Variants in PGCKA1 observed in about 807,000 individuals in gnomAD.
PGCKA1 encodes the protein PDCD10 and GCKIII kinases-associated protein 1.
the PGCKA1 span, among the ~76,000 whole-genome samples, chr4:37,483,744 A>G: frequency 2.0e-5 from 3 of 152,302 alleles, no homozygotes; most frequent in South Asian, 6.2e-4. Context: ...ACCTTGAAGC[A>G]GAAGAGCACC....
At chr4:37,458,398 G>A in the PGCKA1 span, among the ~76,000 whole-genome samples, 115 of 146,246 alleles carry the variant, frequency 7.9e-4, no homozygotes, top group African/African-American at 2.3e-3. Context: ...CACCCCACAC[G>A]TAATGGCTTA....
chr4:37,509,954 AGAGAGAGGGAG>A, the PGCKA1 span, among the ~76,000 whole-genome samples: 1 of 120,888 alleles, frequency 8.3e-6, no homozygotes, highest in Non-Finnish European at 1.9e-5. Flanking sequence ...GAGACCGTGG[AGAGAGAGGGAG>A]CGGGAGACCG....
chr4:37,521,288 A>G, the PGCKA1 span, among the ~76,000 whole-genome samples: 2 of 152,186 alleles, frequency 1.3e-5, no homozygotes, highest in African/African-American at 2.4e-5. Flanking sequence ...ACAGTGCAGT[A>G]GAACACCAGG....
chr4:37,514,239 C>A, the PGCKA1 span, among the ~76,000 whole-genome samples: 1 of 152,172 alleles, frequency 6.6e-6, no homozygotes, highest in Non-Finnish European at 1.5e-5. Flanking sequence ...TTTATAACAG[C>A]ACCAATCCTA....
the PGCKA1 span, among the ~76,000 whole-genome samples, chr4:37,529,460 T>C: frequency 1.8e-3 from 268 of 152,352 alleles, 2 homozygotes; most frequent in Admixed American, 3.6e-3. Flanking sequence ...TTATCCCACC[T>C]GTGCTTGCAA....
chr4:37,478,775 T>C, the PGCKA1 span, among the ~76,000 whole-genome samples: 1 of 152,224 alleles, frequency 6.6e-6, no homozygotes, highest in South Asian at 2.1e-4. Flanking sequence ...GTGGCCACTT[T>C]CTGCCTCCCC....
chr4:37,548,140 G>A, the PGCKA1 span, among the ~76,000 whole-genome samples: 25 of 151,736 alleles, frequency 1.6e-4, no homozygotes, highest in Non-Finnish European at 2.6e-4. Context: ...GTTGAGACAC[G>A]TTGAAAAATT....
the PGCKA1 span, among the ~76,000 whole-genome samples, chr4:37,504,275 T>C: frequency 5.9e-5 from 9 of 152,214 alleles, no homozygotes; most frequent in African/African-American, 2.2e-4. Flanking sequence ...TCTATTCTGA[T>C]CCACTGGTCT....
At chr4:37,512,702 C>G in the PGCKA1 span, among the ~76,000 whole-genome samples, 9,948 of 152,052 alleles carry the variant, frequency 0.065, 593 homozygotes, top group South Asian at 0.24. Context: ...GATCCACCCG[C>G]CTCGGCCTTC....
the PGCKA1 span, chr4:37,590,741 TG>T: frequency 6.2e-7 from 1 of 1,614,212 alleles, no homozygotes; most frequent in Non-Finnish European, 8.5e-7. Flanking sequence ...GAGCATGGTT[TG>T]AATACGCCCT....
the PGCKA1 span, among the ~76,000 whole-genome samples, chr4:37,464,906 C>A: frequency 6.6e-6 from 1 of 152,134 alleles, no homozygotes. Flanking sequence ...GGAAAGGAAG[C>A]AACAGTGGAG....
At chr4:37,485,057 C>T in the PGCKA1 span, among the ~76,000 whole-genome samples, 1 of 152,174 alleles carries the variant, frequency 6.6e-6, no homozygotes, top group African/African-American at 2.4e-5. Context: ...TCTGTATTCT[C>T]CACTAGCCCC....
At chr4:37,559,589 TATAATA>T in the PGCKA1 span, among the ~76,000 whole-genome samples, 1 of 151,582 alleles carries the variant, frequency 6.6e-6, no homozygotes, top group East Asian at 2.0e-4. Context: ...AAACTTAAAG[TATAATA>T]ATAATAAGAT....
At chr4:37,464,799 A>G in the PGCKA1 span, among the ~76,000 whole-genome samples, 2 of 152,192 alleles carry the variant, frequency 1.3e-5, no homozygotes, top group Non-Finnish European at 1.5e-5. Flanking sequence ...TTCTAAATAT[A>G]CCCCAAGCAT....
At chr4:37,524,246 T>C in the PGCKA1 span, among the ~76,000 whole-genome samples, 2 of 152,212 alleles carry the variant, frequency 1.3e-5, no homozygotes, top group Admixed American at 6.5e-5. Context: ...TTTAAAACAA[T>C]AGTAAATATG....
chr4:37,529,618 T>C, the PGCKA1 span, among the ~76,000 whole-genome samples: 1 of 152,334 alleles, frequency 6.6e-6, no homozygotes, highest in East Asian at 1.9e-4. Context: ...CTATCACAGG[T>C]GGGCTGTTCT....
chr4:37,575,958 T>A, the PGCKA1 span, among the ~76,000 whole-genome samples: 41 of 152,246 alleles, frequency 2.7e-4, no homozygotes, highest in Non-Finnish European at 5.0e-4. Context: ...TCTATATGTC[T>A]ATGTTTTTAT....
At chr4:37,580,843 T>C in the PGCKA1 span, among the ~76,000 whole-genome samples, 5 of 152,150 alleles carry the variant, frequency 3.3e-5, no homozygotes, top group Non-Finnish European at 4.4e-5. Flanking sequence ...CCCTTCAGGG[T>C]GACAAGATAC....
chr4:37,516,941 A>G, the PGCKA1 span, among the ~76,000 whole-genome samples: 87,574 of 151,972 alleles, frequency 0.58, 25,569 homozygotes, highest in South Asian at 0.67. Flanking sequence ...AGGTTTCTAA[A>G]AATTATAATC....
Sources: gnomAD v4.1 joint callset for allele counts (sites outside exome capture counted in the v4.1 genomes callset) on GRCh38, gnomAD v4.1.1 for gene constraint, MANE v1.5 for transcripts, NCBI Gene and HGNC (gene_info 2026-07-23, HGNC 2026-07-21) for gene names.